RAB22A: variants seen among roughly 807,000 people sequenced by gnomAD.
The protein encoded by RAB22A is ras-related protein Rab-22A.
A neutral mutation model predicts 30.2 loss-of-function variants in RAB22A; 13 were observed. The ratio of observed to expected loss-of-function variants is 0.43; its 90% CI spans 0.28 to 0.68. The LOEUF (loss-of-function observed/expected upper bound fraction) is 0.68, where lower values mean the gene tolerates loss of function less well. RAB22A is among the 30% of genes least tolerant of loss of function. The probability of loss-of-function intolerance (pLI) is 0.18; values close to 1 mark genes in which losing one functional copy is unlikely to be tolerated. For missense variants in RAB22A, 177 were observed against 246.8 expected (o/e 0.72, Z 1.89); for synonymous variants, 89 against 87.2 (o/e 1.02, Z -0.11).
At chr20:58,356,612 C>T (rs750752041) in intron 6 of RAB22A, among the ~76,000 whole-genome samples, 1 of 152,192 alleles carries the variant, frequency 6.6e-6, no homozygotes, top group Non-Finnish European at 1.5e-5. Flanking sequence ...GTGCTTGGCA[C>T]TCTGGTTGGG....
At chr20:58,312,523 C>T (rs1335634889) in intron 2 of RAB22A, among the ~76,000 whole-genome samples, 3 of 109,646 alleles carry the variant, frequency 2.7e-5, no homozygotes, top group African/African-American at 1.0e-4. Flanking sequence ...GAGTCTCGCT[C>T]TGTTGCCCAG....
chr20:58,350,475 C>G (rs1034534699), intron 3 of RAB22A, among the ~76,000 whole-genome samples: 1 of 152,024 alleles, frequency 6.6e-6, no homozygotes, highest in East Asian at 1.9e-4. Flanking sequence ...TCAAAGAACA[C>G]CATATCTAGG....
chr20:58,343,268 C>T (rs976709098), intron 2 of RAB22A, among the ~76,000 whole-genome samples: 2 of 152,168 alleles, frequency 1.3e-5, no homozygotes, highest in Non-Finnish European at 2.9e-5. Context: ...AACACTAGCT[C>T]TCACTCACCT....
At chr20:58,335,627 G>C (rs2122949822) in intron 2 of RAB22A, among the ~76,000 whole-genome samples, 1 of 152,340 alleles carries the variant, frequency 6.6e-6, no homozygotes, top group East Asian at 1.9e-4. Context: ...CTAAGAAACT[G>C]CTAAGATCAA....
intron 2 of RAB22A, among the ~76,000 whole-genome samples, chr20:58,335,634 T>C (rs1986736675): frequency 6.6e-6 from 1 of 152,250 alleles, no homozygotes; most frequent in Non-Finnish European, 1.5e-5. Flanking sequence ...ACTGCTAAGA[T>C]CAAACTTCCA....
intron 3 of RAB22A, among the ~76,000 whole-genome samples, 180 bp from the exon 4 acceptor site, chr20:58,353,093 G>A (rs1350149685): frequency 1.3e-5 from 2 of 152,172 alleles, no homozygotes; most frequent in Non-Finnish European, 2.9e-5. Context: ...ACATTTCAGT[G>A]TTACATTAAA....
intron 6 of RAB22A, among the ~76,000 whole-genome samples, chr20:58,356,794 A>G (rs1288006368): frequency 6.6e-6 from 1 of 152,172 alleles, no homozygotes; most frequent in Non-Finnish European, 1.5e-5. Flanking sequence ...CATCCATGTC[A>G]TTGCATCTAG....
At chr20:58,348,704 C>T (rs950228507) in intron 3 of RAB22A, among the ~76,000 whole-genome samples, 2 of 152,022 alleles carry the variant, frequency 1.3e-5, no homozygotes, top group Admixed American at 6.6e-5. Context: ...ATGGCAGGGA[C>T]GTCCAGTCTT....
chr20:58,317,366 G>C (rs1306506533), intron 2 of RAB22A, among the ~76,000 whole-genome samples: 2 of 150,022 alleles, frequency 1.3e-5, no homozygotes, highest in African/African-American at 4.9e-5. Flanking sequence ...CAAAGTGCTG[G>C]GATTGCAGGC....
chr20:58,352,878 G>A (rs1159535401), intron 3 of RAB22A, among the ~76,000 whole-genome samples: 1 of 152,208 alleles, frequency 6.6e-6, no homozygotes, highest in African/African-American at 2.4e-5. Context: ...ACACCCAAAT[G>A]CAGCTACTTC....
intron 3 of RAB22A, among the ~76,000 whole-genome samples, chr20:58,349,176 T>G (rs1189051787): frequency 6.6e-6 from 1 of 152,146 alleles, no homozygotes; most frequent in African/African-American, 2.4e-5. Context: ...AAATTATATA[T>G]AAACTCCAGA....
At chr20:58,338,117 C>G (rs1320694602) in intron 2 of RAB22A, among the ~76,000 whole-genome samples, 1 of 151,944 alleles carries the variant, frequency 6.6e-6, no homozygotes, top group Non-Finnish European at 1.5e-5. Context: ...TCCTCCATCT[C>G]CTGGGTTCAA....
At chr20:58,310,340 G>T (rs1482495222) in intron 1 of RAB22A, among the ~76,000 whole-genome samples, 1 of 152,122 alleles carries the variant, frequency 6.6e-6, no homozygotes, top group Non-Finnish European at 1.5e-5. Flanking sequence ...ACTTACCAAG[G>T]TATTAGTTGG....
chr20:58,330,276 T>C (rs1381701642), intron 2 of RAB22A, among the ~76,000 whole-genome samples: 1 of 152,214 alleles, frequency 6.6e-6, no homozygotes, highest in African/African-American at 2.4e-5. Flanking sequence ...ATACTGTCCT[T>C]AATTCTAGAA....
At chr20:58,338,687 C>T (rs1037482094) in intron 2 of RAB22A, among the ~76,000 whole-genome samples, 3 of 152,232 alleles carry the variant, frequency 2.0e-5, no homozygotes, top group Non-Finnish European at 2.9e-5. Context: ...CTAACCCTCA[C>T]TGAGAACCCA....
intron 2 of RAB22A, among the ~76,000 whole-genome samples, chr20:58,319,142 T>C (rs1443598490): frequency 2.0e-5 from 3 of 151,292 alleles, no homozygotes; most frequent in African/African-American, 7.3e-5. Context: ...GACTGACATA[T>C]GGAAAAAAAA....
rs562086935 is a variant in RAB22A, at chr20:58,334,172, A to G, written c.117-9546A>G. Among the ~76,000 whole-genome samples, 6 of 152,056 alleles carry G rather than the reference A, an allele frequency of 3.9e-5. No homozygotes were observed. In the South Asian group the frequency reaches 1.2e-3, roughly 32 times the overall value. The stretch of plus-strand genomic sequence containing the variant: ...ATGGTGAAACCGCGTCTCTACTAAA[A>G]ACACAAAAAAACATTAGCTGGGTGT... On this transcript the variant is annotated intron_variant, in intron 2 of 6. Transcript: ENST00000244040.
intron 2 of RAB22A, among the ~76,000 whole-genome samples, chr20:58,341,978 A>T (rs1246214595): frequency 6.6e-6 from 1 of 152,210 alleles, no homozygotes; most frequent in African/African-American, 2.4e-5. Context: ...AGCTTTTAGG[A>T]CTAATTGCAA....
At chr20:58,357,699 A>G (rs1987154841) in intron 6 of RAB22A, among the ~76,000 whole-genome samples, 1 of 152,222 alleles carries the variant, frequency 6.6e-6, no homozygotes, top group South Asian at 2.1e-4. Flanking sequence ...AAAGCTTTTA[A>G]ACAGATTTGT....
Sources: gnomAD v4.1 joint callset for allele counts (sites outside exome capture counted in the v4.1 genomes callset) on GRCh38, gnomAD v4.1.1 for gene constraint, MANE v1.5 for transcripts, NCBI Gene and HGNC (gene_info 2026-07-23, HGNC 2026-07-21) for gene names.